Variants in TMTC1 observed in about 807,000 individuals in gnomAD.
The protein encoded by TMTC1 is protein O-mannosyl-transferase TMTC1.
TMTC1 carries 73 observed loss-of-function variants against 104.8 expected under a neutral mutation model. The ratio of observed to expected loss-of-function variants is 0.70; its 90% CI spans 0.58 to 0.85. The LOEUF (loss-of-function observed/expected upper bound fraction) is 0.85, where lower values mean the gene tolerates loss of function less well. Ranked by LOEUF, TMTC1 falls within the 40% of genes least tolerant of loss-of-function variation. The pLI is 0.00. For synonymous variants in TMTC1, 434 were observed against 428.7 expected, an observed-to-expected ratio of 1.01 and a Z score of -0.15; for missense variants, 1,035 against 1,096.1, an observed-to-expected ratio of 0.94 and a Z score of 0.79.
At chr12:29,566,958 C>T (rs1945533107) in intron 9 of TMTC1, among the ~76,000 whole-genome samples, 1 of 152,198 alleles carries the variant, frequency 6.6e-6, no homozygotes, top group Non-Finnish European at 1.5e-5. Context: ...AGCTCAGAGT[C>T]CACCTCCTCT....
At chr12:29,698,679 T>C (rs1941495004) in intron 5 of TMTC1, among the ~76,000 whole-genome samples, 1 of 152,216 alleles carries the variant, frequency 6.6e-6, no homozygotes, top group African/African-American at 2.4e-5. Flanking sequence ...CCTACATGCT[T>C]GCCTGGAACG....
chr12:29,688,205 G>T (rs1941155708), intron 5 of TMTC1, among the ~76,000 whole-genome samples: 1 of 152,128 alleles, frequency 6.6e-6, no homozygotes, highest in African/African-American at 2.4e-5. Context: ...ATTGAAGGAT[G>T]TAACCATGCT....
At chr12:29,646,098 A>G (rs1417445264) in intron 5 of TMTC1, among the ~76,000 whole-genome samples, 1 of 152,084 alleles carries the variant, frequency 6.6e-6, no homozygotes, top group Non-Finnish European at 1.5e-5. Context: ...CAATGTGGAG[A>G]GGTGAAAGGA....
At chr12:29,623,825 A>ATAAATAAATTAAATTAAATTAAATTAAAT (rs375861616) in intron 6 of TMTC1, among the ~76,000 whole-genome samples, 4 of 148,824 alleles carry the variant, frequency 2.7e-5, no homozygotes, top group African/African-American at 1.0e-4. Flanking sequence ...AAATAAATAA[A>ATAAATAAATTAAATTAAATTAAATTAAAT]TAAATTAAAT....
intron 5 of TMTC1, among the ~76,000 whole-genome samples, chr12:29,677,584 T>C (rs1037832639): frequency 2.0e-5 from 3 of 152,250 alleles, no homozygotes; most frequent in Non-Finnish European, 4.4e-5. Flanking sequence ...AAATAGGAAA[T>C]GGAAAATTCC....
rs556973274 is a variant in TMTC1, at chr12:29,665,183, G to A, written c.939-31847C>T. Among the ~76,000 whole-genome samples the A allele has an allele frequency of 7.2e-5, 11 of 152,264 alleles. No individual in the cohort carries two copies. The South Asian group carries it at 1.9e-3, about 26-fold the overall frequency. On this transcript the variant is annotated intron_variant, in intron 5 of 17. Transcript: ENST00000539277. ...AAGAGAAAGGAATGTCAAGGGATTC[G>A]TGAAAAGTCAAATATTAGTTGACCC... is the stretch of plus-strand genomic sequence containing the variant.
intron 2 of TMTC1, 76 bp downstream of exon 2, chr12:29,767,822 G>A (rs78189322): frequency 7.9e-5 from 100 of 1,273,306 alleles, no homozygotes; most frequent in Middle Eastern, 1.9e-4. Context: ...GTATATATAT[G>A]TGTGTGTATA....
chr12:29,561,099 C>T (rs1204009777), intron 9 of TMTC1, among the ~76,000 whole-genome samples: 1 of 151,620 alleles, frequency 6.6e-6, no homozygotes, highest in Non-Finnish European at 1.5e-5. Context: ...CATCTCAAGT[C>T]ACTTGAGCCT....
At chr12:29,627,183 G>C (rs1302948842) in intron 6 of TMTC1, among the ~76,000 whole-genome samples, 1 of 152,210 alleles carries the variant, frequency 6.6e-6, no homozygotes, top group East Asian at 1.9e-4. Context: ...CCTACGGAAT[G>C]AGAGACAGTA....
At chr12:29,731,135 T>C (rs1353404196) in intron 5 of TMTC1, among the ~76,000 whole-genome samples, 3 of 152,182 alleles carry the variant, frequency 2.0e-5, no homozygotes, top group Non-Finnish European at 4.4e-5. Flanking sequence ...AGCAAATAAA[T>C]GGGCTGATAA....
chr12:29,617,379 T>C (rs1403363362), intron 6 of TMTC1, among the ~76,000 whole-genome samples: 1 of 152,170 alleles, frequency 6.6e-6, no homozygotes, highest in Non-Finnish European at 1.5e-5. Context: ...TCAACAGATA[T>C]GTTTCATTGC....
intron 5 of TMTC1, among the ~76,000 whole-genome samples, chr12:29,728,664 A>G (rs1942466314): frequency 6.6e-6 from 1 of 152,010 alleles, no homozygotes; most frequent in African/African-American, 2.4e-5. Context: ...TTATTTTGAA[A>G]CAACATCCCC....
intron 6 of TMTC1, among the ~76,000 whole-genome samples, chr12:29,628,059 A>C (rs986790273): frequency 1.3e-5 from 2 of 152,186 alleles, no homozygotes. Context: ...TTCACTATTT[A>C]CTATTCTTTG....
In TMTC1 at chr12:29,568,603, T is replaced by C. The variant is rs146695804; in HGVS notation, c.1532+3502A>G. ...TGACATCAGAAGATTGGTGAATGGATGTACATTTGAAATTTCAGGGTAAAA... is the reference window on the plus strand; with the variant it reads ...TGACATCAGAAGATTGGTGAATGGACGTACATTTGAAATTTCAGGGTAAAA... On this transcript the variant is annotated intron_variant, in intron 9 of 17. Coordinates refer to ENST00000539277, the MANE Select transcript of TMTC1 (RefSeq NM_001193451.2). The C allele has an allele frequency of 3.2e-3, 566 of 174,980 alleles. 6 individuals are homozygous for C. The highest frequency in any genetic ancestry group is 0.013 in the African/African-American group (538 of 42,614). 10.8% of individuals were successfully genotyped at this position (174,980 alleles called of 1,614,324 possible). A position where few individuals can be genotyped will look rare whatever the true frequency, so the allele number is the denominator to read the frequency against.
chr12:29,779,571 T>C (rs1467122207), intron 1 of TMTC1, among the ~76,000 whole-genome samples: 1 of 152,210 alleles, frequency 6.6e-6, no homozygotes, highest in Non-Finnish European at 1.5e-5. Context: ...GCAACCACCT[T>C]TATAGCAAAA....
chr12:29,732,660 G>A (rs762964414), intron 5 of TMTC1, among the ~76,000 whole-genome samples: 2 of 152,156 alleles, frequency 1.3e-5, no homozygotes, highest in Non-Finnish European at 2.9e-5. Context: ...TTAGCATATA[G>A]TACGGGATTT....
chr12:29,603,491 G>A (rs1209987407), intron 7 of TMTC1, among the ~76,000 whole-genome samples: 1 of 152,050 alleles, frequency 6.6e-6, no homozygotes, highest in Non-Finnish European at 1.5e-5. Context: ...AAAAAGCTTT[G>A]TGTCTTGTTC....
intron 10 of TMTC1, among the ~76,000 whole-genome samples, chr12:29,542,289 G>A (rs1373976906): frequency 6.6e-6 from 1 of 152,068 alleles, no homozygotes; most frequent in African/African-American, 2.4e-5. Context: ...AGAACAACAA[G>A]GACTCTCAGA....
intron 1 of TMTC1, among the ~76,000 whole-genome samples, chr12:29,769,773 G>C (rs187452678): frequency 6.6e-6 from 1 of 152,092 alleles, no homozygotes; most frequent in Non-Finnish European, 1.5e-5. Context: ...ACATCTGATC[G>C]GTAGGTGTCC....
Sources: allele counts gnomAD v4.1 joint callset (sites outside exome capture counted in the v4.1 genomes callset), GRCh38; gene constraint gnomAD v4.1.1; transcripts MANE v1.5; gene names NCBI Gene and HGNC (gene_info 2026-07-23, HGNC 2026-07-21).